Variants in KCNU1 observed in about 807,000 individuals in gnomAD.
The protein encoded by KCNU1 is potassium calcium-activated channel subfamily U member 1.
A neutral mutation model predicts 126.8 loss-of-function variants in KCNU1; 93 were observed. The observed-to-expected ratio is 0.73, with a 90% confidence interval of 0.62 to 0.87. KCNU1 has a LOEUF of 0.87. Ranked by LOEUF, KCNU1 falls within the 40% of genes least tolerant of loss-of-function variation. The pLI is 0.00. For synonymous variants in KCNU1, 523 were observed against 494.2 expected (o/e 1.06, Z -0.77); for missense variants, 1,330 against 1,367.1 (o/e 0.97, Z 0.43).
chr8:36,874,066 A>AT (rs954016866), intron 19 of KCNU1, among the ~76,000 whole-genome samples: 1 of 151,984 alleles, frequency 6.6e-6, no homozygotes, highest in Non-Finnish European at 1.5e-5. Context: ...TTTCTTATTT[A>AT]TTTTTTTCCC....
At chr8:36,810,699 A>C (rs1289955436) in intron 7 of KCNU1, among the ~76,000 whole-genome samples, 1 of 152,212 alleles carries the variant, frequency 6.6e-6, no homozygotes, top group Non-Finnish European at 1.5e-5. Flanking sequence ...ACTAGAAAGG[A>C]ATCAATATGG....
chr8:36,929,014 T>C, intron 24 of KCNU1: 1 of 699,852 alleles, frequency 1.4e-6, no homozygotes, highest in Non-Finnish European at 2.6e-6. Flanking sequence ...TGCAGTATAT[T>C]TTACTTAATC....
chr8:36,817,694 C>G lies in KCNU1; in HGVS notation c.1040C>G (p.Ala347Gly), dbSNP rs1425964808. 1 of 1,613,028 alleles carries G rather than the reference C, an allele frequency of 6.2e-7. No homozygotes were observed. The highest frequency in any genetic ancestry group is 1.7e-5 in the Admixed American group (1 of 59,956). Residue 347 changes from alanine to glycine, a missense_variant, in exon 10 of 27, where the codon GCT becomes GGT. Physicochemically the swap from Ala to Gly is moderately conservative, Grantham distance 60 (BLOSUM62 0). Around this residue, in one of 3 missense-constraint regions of KCNU1, gnomAD observed 1,054 missense variants for 1,053.9 expected, o/e 1.00. Transcript: ENST00000399881. ...CGNITVDSVT[A>G]FLRNFLRDKS... ...AACATCACTGTGGACAGTGTGACCG[C>G]TTTCCTGAGGAATTTCCTCCGCGAC...
intron 22 of KCNU1, among the ~76,000 whole-genome samples, chr8:36,914,011 A>G (rs1807996530): frequency 6.6e-6 from 1 of 152,196 alleles, no homozygotes; most frequent in South Asian, 2.1e-4. Context: ...TGGAGTTTGT[A>G]TTAATATTAT....
At chr8:36,849,306 C>G (rs1446210910) in intron 18 of KCNU1, among the ~76,000 whole-genome samples, 1 of 152,124 alleles carries the variant, frequency 6.6e-6, no homozygotes, top group Non-Finnish European at 1.5e-5. Context: ...TACCTCATTT[C>G]AGCTAGGCAC....
At chr8:36,833,775 T>C (rs1369046507) in intron 11 of KCNU1, 116 bp downstream of exon 11, 3 of 591,670 alleles carry the variant, frequency 5.1e-6, no homozygotes, top group Non-Finnish European at 9.1e-6. Context: ...TGGTGGAAAA[T>C]ATAACTTCCT....
intron 19 of KCNU1, among the ~76,000 whole-genome samples, chr8:36,881,313 A>G (rs1294977803): frequency 6.6e-6 from 1 of 152,130 alleles, no homozygotes; most frequent in African/African-American, 2.4e-5. Flanking sequence ...GCACCATCAT[A>G]GCAGACTTGA....
At position 36,845,667 on chromosome 8, in the gene KCNU1, A is replaced by G; in HGVS notation, c.1791A>G (p.Arg597=). 1 of 1,597,548 alleles carries G rather than the reference A, an allele frequency of 6.3e-7. No homozygotes were observed. Residue 597 remains arginine, a splice_region_variant and synonymous_variant, in exon 17 of 27, where the codon AGA becomes AGG. Transcript: ENST00000399881. ...TTGCTGAAACTCCAAAGGACGTCAG[A>G]AGGTAATTTTATTATTTTATGGGGG... ...FFIAETPKDV[R]RALFYCSVCH...
chr8:36,924,323 T>G (rs1303789097), intron 24 of KCNU1, among the ~76,000 whole-genome samples: 1 of 152,090 alleles, frequency 6.6e-6, no homozygotes, highest in Non-Finnish European at 1.5e-5. Context: ...CTCCTGGAGG[T>G]CCACAGTGAG....
chr8:36,818,760 T>C (rs927197953), intron 10 of KCNU1, among the ~76,000 whole-genome samples: 1 of 152,196 alleles, frequency 6.6e-6, no homozygotes, highest in African/African-American at 2.4e-5. Flanking sequence ...CACTCTACTT[T>C]TGCATTATGA....
intron 22 of KCNU1, among the ~76,000 whole-genome samples, chr8:36,912,325 T>C (rs1807907518): frequency 6.6e-6 from 1 of 152,208 alleles, no homozygotes; most frequent in African/African-American, 2.4e-5. Context: ...AATAAAACAG[T>C]AATCTAATCT....
intron 10 of KCNU1, among the ~76,000 whole-genome samples, chr8:36,832,766 T>G (rs1182240283): frequency 6.6e-6 from 1 of 152,138 alleles, no homozygotes; most frequent in African/African-American, 2.4e-5. Context: ...TCTTTTATTT[T>G]TATTTCCTTG....
intron 19 of KCNU1, among the ~76,000 whole-genome samples, chr8:36,894,516 G>C (rs1365902370): frequency 6.6e-6 from 1 of 152,106 alleles, no homozygotes; most frequent in Non-Finnish European, 1.5e-5. Flanking sequence ...ACTGCTGGAA[G>C]AATTGAAGAC....
intron 24 of KCNU1, among the ~76,000 whole-genome samples, chr8:36,926,219 A>G (rs141912709): frequency 2.5e-4 from 38 of 152,312 alleles, no homozygotes; most frequent in African/African-American, 8.4e-4. Flanking sequence ...ATCATTTACC[A>G]GTAACAAGTT....
intron 20 of KCNU1, among the ~76,000 whole-genome samples, chr8:36,908,628 G>A (rs928430267): frequency 1.3e-5 from 2 of 149,662 alleles, no homozygotes; most frequent in Non-Finnish European, 3.0e-5. Flanking sequence ...GGTGGGAACT[G>A]AACAATGAGA....
intron 7 of KCNU1, among the ~76,000 whole-genome samples, chr8:36,811,253 G>A (rs1400856389): frequency 6.6e-6 from 1 of 152,138 alleles, no homozygotes; most frequent in African/African-American, 2.4e-5. Flanking sequence ...TTAAAACAAG[G>A]TGTTGAACCT....
intron 9 of KCNU1, among the ~76,000 whole-genome samples, chr8:36,817,271 G>A (rs901253008): frequency 1.3e-5 from 2 of 151,578 alleles, no homozygotes; most frequent in Non-Finnish European, 2.9e-5. Context: ...AGGCTGAGGT[G>A]GGCGGATCAC....
Position 36,836,990 on chromosome 8 carries a change from C to T in KCNU1, c.1518+45C>T, listed in dbSNP as rs775398778. 13 of 1,592,218 alleles carry T rather than the reference C, an allele frequency of 8.2e-6. No individual in the cohort carries two copies. In the Admixed American group the frequency reaches 8.4e-5, roughly 10 times the overall value. Reference sequence around the variant, plus strand: ...TTGATTCTTGGCTCTGTTCCTATGTCCTACATATTAAGATCAGAAATAGGA... The same window carrying T: ...TTGATTCTTGGCTCTGTTCCTATGTTCTACATATTAAGATCAGAAATAGGA... On this transcript the variant is annotated intron_variant, in intron 14 of 26. Transcript: ENST00000399881.
chr8:36,871,628 G>A (rs1278176549), intron 19 of KCNU1, among the ~76,000 whole-genome samples: 5 of 152,194 alleles, frequency 3.3e-5, no homozygotes, highest in South Asian at 2.1e-4. Context: ...CTATAATAAA[G>A]GAGAGACAAG....
Sources: allele counts gnomAD v4.1 joint callset (sites outside exome capture counted in the v4.1 genomes callset), GRCh38; gene constraint gnomAD v4.1.1; regional missense constraint gnomAD v4.1.1; transcripts MANE v1.5; gene names NCBI Gene and HGNC (gene_info 2026-07-23, HGNC 2026-07-21).